Variants in DCLK1 observed in about 807,000 individuals in gnomAD.
DCLK1 encodes the protein doublecortin like kinase 1.
Under a neutral mutation model 86.2 loss-of-function variants are expected in DCLK1, and 16 were observed. That is an observed-to-expected ratio of 0.19 (90% CI 0.13 to 0.28). The LOEUF is 0.28. DCLK1 is among the 10% of genes least tolerant of loss of function. The pLI is 1.00. For synonymous variants in DCLK1, 369 were observed against 370.5 expected, an observed-to-expected ratio of 1.00 and a Z score of 0.05; for missense variants, 590 against 940.2, an observed-to-expected ratio of 0.63 and a Z score of 4.87.
At chr13:35,870,088 C>T (rs1001119244) in intron 5 of DCLK1, among the ~76,000 whole-genome samples, 1 of 152,174 alleles carries the variant, frequency 6.6e-6, no homozygotes, top group African/African-American at 2.4e-5. Context: ...CACCTTTAAA[C>T]TACAGAGGCA....
Position 35,828,204 on chromosome 13 carries a change from G to T in DCLK1, c.1287+46C>A. The T allele has an allele frequency of 2.0e-6, 3 of 1,484,386 alleles. No individual in the cohort carries two copies. In the South Asian group the frequency reaches 3.5e-5, roughly 17 times the overall value. 92.0% of individuals were successfully genotyped at this position (1,484,386 alleles called of 1,614,324 possible). A position where few individuals can be genotyped will look rare whatever the true frequency, so the allele number is the denominator to read the frequency against. On this transcript the variant is annotated intron_variant, in intron 9 of 16. Transcript: ENST00000360631. ...TGGGAGTGATCTTTGTGTTTCTTTTGACCTCTTGAACACTCTTATCTCATA... is the reference window on the plus strand; with the variant it reads ...TGGGAGTGATCTTTGTGTTTCTTTTTACCTCTTGAACACTCTTATCTCATA...
At chr13:35,929,810 A>C (rs1259123798) in intron 4 of DCLK1, among the ~76,000 whole-genome samples, 1 of 151,334 alleles carries the variant, frequency 6.6e-6, no homozygotes, top group African/African-American at 2.4e-5. Flanking sequence ...ATGATTTCAC[A>C]GTGATTCAGC....
chr13:36,100,349 A>G (rs189792786), intron 3 of DCLK1, among the ~76,000 whole-genome samples: 33 of 152,254 alleles, frequency 2.2e-4, no homozygotes, highest in Admixed American at 3.9e-4. Flanking sequence ...ACTGTACTCT[A>G]GCCTGGGTGA....
chr13:35,935,677 G>A (rs1239181248), intron 4 of DCLK1, among the ~76,000 whole-genome samples: 1 of 152,176 alleles, frequency 6.6e-6, no homozygotes, highest in East Asian at 1.9e-4. Flanking sequence ...TGGAAATGTG[G>A]TTCTGGAGCT....
At chr13:35,914,202 C>A (rs972610832) in intron 4 of DCLK1, among the ~76,000 whole-genome samples, 2 of 151,164 alleles carry the variant, frequency 1.3e-5, no homozygotes, top group Non-Finnish European at 2.9e-5. Context: ...GCCTATAGTC[C>A]CAGCTACTCG....
At chr13:35,802,332 A>AG (rs2086938437) in intron 15 of DCLK1, among the ~76,000 whole-genome samples, 1 of 115,352 alleles carries the variant, frequency 8.7e-6, no homozygotes, top group East Asian at 2.8e-4. Flanking sequence ...ACCCTGTCTC[A>AG]AAAAAAAAAA....
intron 15 of DCLK1, among the ~76,000 whole-genome samples, chr13:35,795,925 CAAAAAAA>C (rs36039528): frequency 1.1e-5 from 1 of 90,126 alleles, no homozygotes; most frequent in Non-Finnish European, 2.2e-5. Context: ...AACTCCATCT[CAAAAAAA>C]AAAAAAAAAA....
intron 4 of DCLK1, among the ~76,000 whole-genome samples, chr13:35,871,753 G>C (rs542009432): frequency 6.6e-6 from 1 of 152,300 alleles, no homozygotes; most frequent in East Asian, 1.9e-4. Flanking sequence ...GAAATGTGGT[G>C]GTGGAAGATT....
chr13:36,030,232 G>A (rs1882214085), intron 3 of DCLK1, among the ~76,000 whole-genome samples: 1 of 152,188 alleles, frequency 6.6e-6, no homozygotes, highest in African/African-American at 2.4e-5. Context: ...CACTCTGTAA[G>A]AGCTCATATT....
At chr13:35,919,798 CA>C (rs891450715) in intron 4 of DCLK1, among the ~76,000 whole-genome samples, 13 of 146,178 alleles carry the variant, frequency 8.9e-5, no homozygotes, top group African/African-American at 1.8e-4. Flanking sequence ...CCACCCCTCT[CA>C]AAAAAAATTT....
At chr13:35,900,227 G>A (rs954311480) in intron 4 of DCLK1, among the ~76,000 whole-genome samples, 35 of 146,466 alleles carry the variant, frequency 2.4e-4, no homozygotes, top group Middle Eastern at 3.7e-3. Context: ...AGAGGTTTAG[G>A]TTCAACTAAA....
intron 3 of DCLK1, among the ~76,000 whole-genome samples, chr13:36,056,832 C>T (rs1593852438): frequency 6.9e-6 from 1 of 144,766 alleles, no homozygotes; most frequent in African/African-American, 2.6e-5. Context: ...GGAGGCAGAG[C>T]TTGCAGTGAG....
chr13:35,925,088 C>G (rs1876036921), intron 4 of DCLK1, among the ~76,000 whole-genome samples: 1 of 152,196 alleles, frequency 6.6e-6, no homozygotes, highest in African/African-American at 2.4e-5. Flanking sequence ...AATTCACCAC[C>G]AAAATTCAAA....
At chr13:35,782,084 C>A (rs1031541904) in intron 16 of DCLK1, among the ~76,000 whole-genome samples, 1 of 152,160 alleles carries the variant, frequency 6.6e-6, no homozygotes, top group African/African-American at 2.4e-5. Context: ...ACTGAGTAGC[C>A]TTCCAAGCTG....
chr13:36,124,691 G>A (rs188512283), intron 2 of DCLK1, among the ~76,000 whole-genome samples: 3 of 152,294 alleles, frequency 2.0e-5, no homozygotes, highest in Admixed American at 2.0e-4. Context: ...GGACCCAGTT[G>A]AGTTACACGG....
chr13:35,906,525 A>C (rs1874700640), intron 4 of DCLK1, among the ~76,000 whole-genome samples: 1 of 152,190 alleles, frequency 6.6e-6, no homozygotes, highest in South Asian at 2.1e-4. Flanking sequence ...GATGGTAAAG[A>C]GCAACAGGCA....
At chr13:36,057,290 G>C (rs1037226978) in intron 3 of DCLK1, among the ~76,000 whole-genome samples, 3 of 151,928 alleles carry the variant, frequency 2.0e-5, no homozygotes, top group Non-Finnish European at 4.4e-5. Context: ...CCTTCAAAAT[G>C]ATTTATTCTT....
At chr13:35,898,570 C>T (rs1354042046) in intron 4 of DCLK1, among the ~76,000 whole-genome samples, 2 of 152,144 alleles carry the variant, frequency 1.3e-5, no homozygotes, top group East Asian at 1.9e-4. Context: ...AAATTCAGTA[C>T]CACCTGGTTG....
chr13:35,770,414 G>A lies in DCLK1; in HGVS notation c.*4121C>T, dbSNP rs2086309989. 1 of 152,152 alleles carries A rather than the reference G, an allele frequency of 6.6e-6. No homozygotes were observed. The highest frequency in any genetic ancestry group is 1.9e-4 in the East Asian group (1 of 5,196). 9.4% of individuals were successfully genotyped at this position (152,152 alleles called of 1,614,324 possible). ...CTTTTAATCACTATTTTCCCCAACA[G>A]ACTAGAATGGCTCCATGAAATTTGA... On this transcript the variant is annotated 3_prime_UTR_variant, in exon 17 of 17. Transcript: ENST00000360631.
Sources: gnomAD v4.1 joint callset for allele counts (sites outside exome capture counted in the v4.1 genomes callset) on GRCh38, gnomAD v4.1.1 for gene constraint, MANE v1.5 for transcripts, NCBI Gene and HGNC (gene_info 2026-07-23, HGNC 2026-07-21) for gene names.